EFCAB8: variants seen among roughly 807,000 people sequenced by gnomAD.
The protein encoded by EFCAB8 is EF-hand calcium-binding domain-containing protein 8.
In EFCAB8, 100 loss-of-function variants were observed where a neutral mutation model predicts 116.3. The observed-to-expected ratio is 0.86, with a 90% CI of 0.73 to 1.02. The LOEUF (loss-of-function observed/expected upper bound fraction) is 1.02, where lower values mean the gene tolerates loss of function less well. Among genes scored for constraint, EFCAB8 ranks in the 50% least tolerant of loss-of-function variants. The probability of loss-of-function intolerance (pLI) is 0.00; values close to 1 mark genes in which losing one functional copy is unlikely to be tolerated. For synonymous variants in EFCAB8, 558 were observed against 567.9 expected (o/e 0.98, Z 0.25); for missense variants, 1,320 against 1,416.9 (o/e 0.93, Z 1.10).
chr20:32,897,433 CACTG>C (rs1311490841), intron 10 of EFCAB8, among the ~76,000 whole-genome samples: 1 of 149,502 alleles, frequency 6.7e-6, no homozygotes, highest in Non-Finnish European at 1.5e-5. Context: ...AACAGGCCTG[CACTG>C]ACTTTTTTTT....
In EFCAB8 at chr20:32,961,393, G is replaced by A. The variant is rs995635815; in HGVS notation, c.3651G>A (p.Leu1217=). The A allele has an allele frequency of 3.4e-6, 5 of 1,457,960 alleles. No homozygotes were observed. The highest frequency in any genetic ancestry group is 4.5e-6 in the Non-Finnish European group (5 of 1,103,322). The allele number at this position is 1,457,960 out of a possible 1,614,324, so 90.3% of individuals were successfully genotyped here. Residue 1217 remains leucine (L), a synonymous_variant, in exon 27 of 27, where the codon TTG becomes TTA. Transcript: ENST00000400522. ...CCTCCAGGCTGCTGGACTCCAGCTT[G>A]CCCACCTTCCTGACGCCCCAGTTCT... is the stretch of plus-strand genomic sequence containing the variant. ...ASASRLLDSS[L]PTFLTPQFSF... is the part of the protein sequence containing the mutation.
intron 20 of EFCAB8, 68 bp downstream of exon 20, chr20:32,920,283 G>C (rs1432095975): frequency 6.6e-7 from 1 of 1,525,860 alleles, no homozygotes; most frequent in Non-Finnish European, 8.8e-7. Context: ...GGGTGGTCAG[G>C]ATGGGGCTCG....
At chr20:32,922,680 G>A (rs187899408) in intron 20 of EFCAB8, among the ~76,000 whole-genome samples, 1 of 152,236 alleles carries the variant, frequency 6.6e-6, no homozygotes, top group African/African-American at 2.4e-5. Context: ...AGAGGAGGTG[G>A]CATCTGCATA....
intron 22 of EFCAB8, among the ~76,000 whole-genome samples, chr20:32,939,125 C>CCCTTCCTT (rs779654750): frequency 3.5e-5 from 2 of 56,524 alleles, no homozygotes; most frequent in Non-Finnish European, 7.2e-5. Context: ...CTCTTTCTTT[C>CCCTTCCTT]TCTTTCTTTC....
intron 11 of EFCAB8, among the ~76,000 whole-genome samples, chr20:32,901,446 G>A (rs900948461): frequency 6.6e-6 from 1 of 151,950 alleles, no homozygotes; most frequent in African/African-American, 2.4e-5. Flanking sequence ...GACAAGCTTG[G>A]TGTATAAGAT....
intron 26 of EFCAB8, among the ~76,000 whole-genome samples, chr20:32,960,560 A>G (rs1401772044): frequency 1.3e-5 from 2 of 152,242 alleles, no homozygotes; most frequent in East Asian, 1.9e-4. Context: ...TGCCAGGCCC[A>G]TAGTAAGAGA....
In EFCAB8 at chr20:32,961,306, C is replaced by T; in HGVS notation, c.3564C>T (p.Thr1188=). The change falls in exon 27 of 27, where the codon ACC becomes ACT. Residue 1188 remains threonine (T), a synonymous_variant. Transcript: ENST00000400522. ...GCAGGGAGCAGGCTGTGCTGGATAC[C>T]ACGGACAGCACGCCTGCGGCCGCCT... The part of the protein sequence containing the change: ...VPSREQAVLD[T]TDSTPAAASS... 1 of 1,522,988 alleles carries T rather than the reference C, an allele frequency of 6.6e-7. No homozygotes were observed. The allele number at this position is 1,522,988 out of a possible 1,614,324, so 94.3% of individuals were successfully genotyped here.
intron 11 of EFCAB8, among the ~76,000 whole-genome samples, chr20:32,899,467 T>C (rs930396278): frequency 1.9e-4 from 29 of 151,414 alleles, no homozygotes; most frequent in African/African-American, 7.0e-4. Context: ...GCATTGTCCA[T>C]GTAAAAAATG....
At chr20:32,914,587 A>C (rs1315338679) in intron 17 of EFCAB8, among the ~76,000 whole-genome samples, 1 of 152,356 alleles carries the variant, frequency 6.6e-6, no homozygotes, top group East Asian at 1.9e-4. Context: ...GGAAACTTAC[A>C]ATCATAGTTA....
At chr20:32,952,971 C>T (rs565718470) in intron 23 of EFCAB8, among the ~76,000 whole-genome samples, 2 of 152,238 alleles carry the variant, frequency 1.3e-5, no homozygotes, top group East Asian at 3.9e-4. Context: ...GAACATACTC[C>T]TCCATTTCCC....
intron 16 of EFCAB8, among the ~76,000 whole-genome samples, chr20:32,911,974 C>T (rs948960019): frequency 6.6e-6 from 1 of 152,170 alleles, no homozygotes; most frequent in African/African-American, 2.4e-5. Context: ...CATACTGGAG[C>T]TTTGGATTGC....
At chr20:32,939,135 CTTTCTT>C (rs1568941509) in intron 22 of EFCAB8, among the ~76,000 whole-genome samples, 1 of 24,386 alleles carries the variant, frequency 4.1e-5, no homozygotes, top group South Asian at 1.1e-3. Flanking sequence ...CTCTTTCTTT[CTTTCTT>C]TCTTTCTTTC....
rs1396580164 is a variant in EFCAB8 at position 32,958,475 on chromosome 20, G to A, written c.3014G>A (p.Arg1005His). 9 of 416,778 alleles carry A rather than the reference G, an allele frequency of 2.2e-5. No individual in the cohort carries two copies. Among genetic ancestry groups the A allele is most frequent in the African/African-American group, 4.1e-5 (2 of 48,668 alleles). The allele number at this position is 416,778 out of a possible 1,614,324, so 25.8% of individuals were successfully genotyped here. ...KRLQDACDGP[R>H]ENRASLEEDG... ...CTACAGGATGCCTGTGATGGTCCTC[G>A]TGAAAACAGAGCAAGCTTAGAGGAA... Residue 1005 changes from arginine to histidine, a missense_variant, in exon 24 of 27, where the codon CGT becomes CAT. Physicochemically the swap from Arg to His is conservative, Grantham distance 29. Coordinates refer to ENST00000400522, the MANE Select transcript of EFCAB8 (RefSeq NM_001143967.2).
At chr20:32,912,083 T>C (rs1016193701) in intron 16 of EFCAB8, among the ~76,000 whole-genome samples, 9 of 152,128 alleles carry the variant, frequency 5.9e-5, no homozygotes, top group Non-Finnish European at 1.3e-4. Flanking sequence ...GGGAGTGGCA[T>C]AGGGCAAAGC....
At chr20:32,896,626 G>A in intron 10 of EFCAB8, 99 bp downstream of exon 10, 1 of 675,302 alleles carries the variant, frequency 1.5e-6, no homozygotes, top group East Asian at 2.7e-5. Flanking sequence ...CCTGGGTTCA[G>A]TCTTAGCCCT....
chr20:32,908,522 C>T (rs1986782499), intron 14 of EFCAB8, 110 bp downstream of exon 14: 1 of 1,143,736 alleles, frequency 8.7e-7, no homozygotes, highest in African/African-American at 1.6e-5. Flanking sequence ...CCTGGGACTG[C>T]TGAAGCGGCT....
intron 22 of EFCAB8, among the ~76,000 whole-genome samples, chr20:32,938,068 A>G (rs1988190963): frequency 6.7e-6 from 1 of 150,134 alleles, no homozygotes; most frequent in Non-Finnish European, 1.5e-5. Context: ...AATCTTCAAA[A>G]TACTAGCAAA....
intron 5 of EFCAB8, among the ~76,000 whole-genome samples, chr20:32,880,427 C>T (rs1747980549): frequency 6.6e-6 from 1 of 152,050 alleles, no homozygotes; most frequent in Non-Finnish European, 1.5e-5. Context: ...TGCCACCATG[C>T]CTGACTAATT....
At chr20:32,907,034 G>T in intron 13 of EFCAB8, 40 bp downstream of exon 13, 1 of 1,474,768 alleles carries the variant, frequency 6.8e-7, no homozygotes, top group Non-Finnish European at 9.0e-7. Flanking sequence ...CTGTTCCTCA[G>T]GGAAACACAC....
Sources: allele counts gnomAD v4.1 joint callset (sites outside exome capture counted in the v4.1 genomes callset), GRCh38; gene constraint gnomAD v4.1.1; transcripts MANE v1.5; gene names NCBI Gene and HGNC (gene_info 2026-07-23, HGNC 2026-07-21).